PTCH1: variants seen among roughly 807,000 people sequenced by gnomAD.
PTCH1 encodes patched 1.
Under a neutral mutation model 144.6 loss-of-function variants are expected in PTCH1, and 14 were observed. That is an observed-to-expected ratio of 0.10 (90% CI 0.06 to 0.15). PTCH1 has a LOEUF of 0.15. PTCH1 is among the 10% of genes least tolerant of loss of function. The probability of loss-of-function intolerance (pLI) is 1.00; values close to 1 mark genes in which losing one functional copy is unlikely to be tolerated. For synonymous variants in PTCH1, 833 were observed against 793.6 expected, an observed-to-expected ratio of 1.05 and a Z score of -0.83; for missense variants, 1,623 against 1,948.3, an observed-to-expected ratio of 0.83 and a Z score of 3.14.
Position 95,447,327 on chromosome 9 carries a change from C to A in PTCH1, c.3929G>T (p.Gly1310Val), listed in dbSNP as rs773043616. ...QQPRRDPPRE[G>V]LWPPPYRPRR... ...CGGTCTGTAGGGGGGTGGCCACAAG[C>A]CTTCTCTGGGGGGGTCCCTGCGGGG... The change falls in exon 23 of 24, where the codon GGC becomes GTC. Residue 1310 changes from glycine to valine, a missense_variant. Coordinates refer to ENST00000331920, the MANE Select transcript of PTCH1 (RefSeq NM_000264.5). The A allele has an allele frequency of 1.9e-6, 3 of 1,613,414 alleles. No homozygotes were observed. The highest frequency in any genetic ancestry group is 2.2e-5 in the South Asian group (2 of 91,084).
chr9:95,462,341 A>G (rs1839561113), intron 15 of PTCH1, among the ~76,000 whole-genome samples: 1 of 152,218 alleles, frequency 6.6e-6, no homozygotes, highest in Non-Finnish European at 1.5e-5. Context: ...CAGGGTCATT[A>G]ACCGTTTCGT....
intron 19 of PTCH1, among the ~76,000 whole-genome samples, chr9:95,455,183 A>G (rs987378431): frequency 2.0e-5 from 3 of 152,068 alleles, no homozygotes; most frequent in Non-Finnish European, 4.4e-5. Context: ...GATACACTGT[A>G]AAAAAAATGG....
chr9:95,481,791 C>A, intron 5 of PTCH1, 158 bp downstream of exon 5: 1 of 699,528 alleles, frequency 1.4e-6, no homozygotes, highest in Non-Finnish European at 2.5e-6. Context: ...CTGCTGAAAT[C>A]CCCTCTCCCC....
intron 16 of PTCH1, 88 bp from the exon 17 acceptor site, chr9:95,459,871 C>T (rs957617029): frequency 1.5e-6 from 2 of 1,374,914 alleles, no homozygotes; most frequent in Non-Finnish European, 2.0e-6. Context: ...CTGAGCTTCG[C>T]ACAGCATTAC....
In PTCH1 at chr9:95,467,138, G is replaced by A. The variant is rs2117947407; in HGVS notation, c.2538C>T (p.His846=). 6.2e-7 allele frequency: 1 copy of A among 1,614,238 alleles called. No individual in the cohort carries two copies. Among genetic ancestry groups the A allele is most frequent in the Non-Finnish European group, 8.5e-7 (1 of 1,180,046 alleles). Residue 846 remains histidine, a synonymous_variant, in exon 15 of 24, where the codon CAC becomes CAT. Transcript: ENST00000331920. ...ENKQLPKMWL[H]YFRDWLQGLQ... is the part of the protein sequence containing the mutation. ...TACCCTGAAGCCAGTCTCTGAAGTA[G>A]TGCAGCCACATTTTGGGAAGCTGTT...
chr9:95,487,708 A>T (rs922190765), intron 2 of PTCH1, among the ~76,000 whole-genome samples: 7 of 152,204 alleles, frequency 4.6e-5, no homozygotes, highest in African/African-American at 7.2e-5. Flanking sequence ...ATCACATCTA[A>T]TGCCACAAAC....
rs576864680 is a variant in PTCH1 at position 95,446,240 on chromosome 9, A to G, written c.*153T>C. The G allele has an allele frequency of 6.9e-4, 284 of 409,424 alleles. 3 individuals carry two copies. The highest frequency in any genetic ancestry group is 4.8e-3 in the South Asian group (270 of 56,312). 25.4% of individuals were successfully genotyped at this position (409,424 alleles called of 1,614,324 possible). A position where few individuals can be genotyped will look rare whatever the true frequency, so the allele number is the denominator to read the frequency against. On this transcript the variant is annotated 3_prime_UTR_variant, in exon 24 of 24. Coordinates refer to ENST00000331920, the MANE Select transcript of PTCH1 (RefSeq NM_000264.5). Reference sequence around the variant, plus strand: ...AATATTTATAGAAATATTTAACAAAATAATACAATCGGTTACAGTAACAAT... The same window carrying G: ...AATATTTATAGAAATATTTAACAAAGTAATACAATCGGTTACAGTAACAAT...
At chr9:95,505,023 C>A (rs770486546) in intron 2 of PTCH1, among the ~76,000 whole-genome samples, 6 of 152,156 alleles carry the variant, frequency 3.9e-5, no homozygotes, top group Non-Finnish European at 7.3e-5. Flanking sequence ...TGGATTCAAT[C>A]CAAAGAACGC....
intron 18 of PTCH1, among the ~76,000 whole-genome samples, chr9:95,456,817 C>A (rs540984825): frequency 6.6e-6 from 1 of 152,264 alleles, no homozygotes; most frequent in African/African-American, 2.4e-5. Flanking sequence ...CCGCCAGAGA[C>A]CATCCGTGAA....
At chr9:95,495,915 A>C (rs1246218213) in intron 2 of PTCH1, among the ~76,000 whole-genome samples, 5 of 152,210 alleles carry the variant, frequency 3.3e-5, no homozygotes, top group African/African-American at 9.6e-5. Flanking sequence ...ATTTCTACAG[A>C]AAGTAATGGG....
upstream of PTCH1, among the ~76,000 whole-genome samples, chr9:95,512,865 G>A (rs1564096146): frequency 6.6e-6 from 1 of 152,176 alleles, no homozygotes; most frequent in Non-Finnish European, 1.5e-5. Context: ...CAGCCAGCAG[G>A]AGTTGCCAGC....
intron 3 of PTCH1, among the ~76,000 whole-genome samples, chr9:95,484,570 C>A (rs1444922665): frequency 6.6e-6 from 1 of 152,200 alleles, no homozygotes; most frequent in African/African-American, 2.4e-5. Flanking sequence ...GCCTATACTG[C>A]TACTTCCTCA....
In PTCH1 at chr9:95,508,504, C is replaced by T; in HGVS notation, c.-143G>A. 9.8e-7 allele frequency: 1 copy of T among 1,018,768 alleles called. No homozygotes were observed. The highest frequency in any genetic ancestry group is 1.2e-6 in the Non-Finnish European group (1 of 851,598). The allele number at this position is 1,018,768 out of a possible 1,614,324, so 63.1% of individuals were successfully genotyped here. A position where few individuals can be genotyped will look rare whatever the true frequency, so the allele number is the denominator to read the frequency against. On this transcript the variant is annotated 5_prime_UTR_variant, in exon 1 of 24. Transcript: ENST00000331920. ...TGGCCGCAGGCTGCTCGGGCTCGGG[C>T]TCCGGTTGACAGACCAGCCGCTGCT...
At chr9:95,468,639 G>T in intron 14 of PTCH1, 112 bp downstream of exon 14, 3 of 1,369,928 alleles carry the variant, frequency 2.2e-6, no homozygotes, top group East Asian at 2.3e-5. Flanking sequence ...ATACTTAAAC[G>T]AAATTTTTTT....
At chr9:95,505,443 G>A (rs1316027951) in intron 2 of PTCH1, among the ~76,000 whole-genome samples, 1 of 152,086 alleles carries the variant, frequency 6.6e-6, no homozygotes, top group African/African-American at 2.4e-5. Context: ...AGAAACCAGC[G>A]GGGGAAAAAA....
upstream of PTCH1, among the ~76,000 whole-genome samples, chr9:95,511,627 A>T (rs962847820): frequency 6.6e-6 from 1 of 152,268 alleles, no homozygotes; most frequent in African/African-American, 2.4e-5. Flanking sequence ...GCAGCATGCG[A>T]GGAAAATGAC....
chr9:95,494,528 C>T (rs1451623824), intron 2 of PTCH1: 4 of 886,760 alleles, frequency 4.5e-6, no homozygotes, highest in Non-Finnish European at 5.4e-6. Context: ...GCGTACTTTC[C>T]AAGCTGGGAA....
At chr9:95,492,619 TATG>T (rs1842492014) in intron 2 of PTCH1, among the ~76,000 whole-genome samples, 1 of 151,960 alleles carries the variant, frequency 6.6e-6, no homozygotes, top group Non-Finnish European at 1.5e-5. Flanking sequence ...TCATCATGCT[TATG>T]TGTGAATATC....
Position 95,516,131 on chromosome 9 carries a change from C to T in PTCH1, c.3+338G>A, listed in dbSNP as rs113154802. Among the ~76,000 whole-genome samples the T allele has an allele frequency of 0.079, 11,995 of 151,792 alleles. 550 individuals are homozygous for T. The highest frequency in any genetic ancestry group is 0.11 in the East Asian group (546 of 5,128). On this transcript the variant is annotated intron_variant, in intron 1 of 22. Transcript: ENST00000430669. ...CTTTCAGGCGTGAAAATGGGAGCTC[C>T]GGCGACCCCCTCCGTGAGAATTCCC... is the stretch of plus-strand genomic sequence containing the variant.
Sources: gnomAD v4.1 joint callset for allele counts (sites outside exome capture counted in the v4.1 genomes callset) on GRCh38, gnomAD v4.1.1 for gene constraint, MANE v1.5 for transcripts, NCBI Gene and HGNC (gene_info 2026-07-23, HGNC 2026-07-21) for gene names.